The following SPTBN4 variants were observed in gnomAD, a reference collection of about 807,000 sequenced individuals.
The protein encoded by SPTBN4 is spectrin beta chain, non-erythrocytic 4.
Under a neutral mutation model 277.8 loss-of-function variants are expected in SPTBN4, and 96 were observed. The observed-to-expected ratio is 0.35, with a 90% CI of 0.29 to 0.41. The LOEUF (loss-of-function observed/expected upper bound fraction) is 0.41, where lower values mean the gene tolerates loss of function less well. Among genes scored for constraint, SPTBN4 ranks in the 10% least tolerant of loss-of-function variants. The probability of loss-of-function intolerance (pLI) is 1.00; values close to 1 mark genes in which losing one functional copy is unlikely to be tolerated. For synonymous variants in SPTBN4, 1,481 were observed against 1,580.3 expected, an observed-to-expected ratio of 0.94 and a Z score of 1.49; for missense variants, 3,006 against 3,595.7, an observed-to-expected ratio of 0.84 and a Z score of 4.19.
intron 17 of SPTBN4, among the ~76,000 whole-genome samples, chr19:40,527,603 G>A (rs1315008762): frequency 6.6e-6 from 1 of 152,234 alleles, no homozygotes; most frequent in African/African-American, 2.4e-5. Flanking sequence ...GATGTTGGGG[G>A]AAGGAGCATT....
intron 16 of SPTBN4, among the ~76,000 whole-genome samples, chr19:40,522,094 A>G (rs993674463): frequency 6.6e-6 from 1 of 151,942 alleles, no homozygotes; most frequent in South Asian, 2.1e-4. Context: ...TGGCACGATC[A>G]TGACTCACTG....
chr19:40,563,630 C>T (rs1438106011), intron 27 of SPTBN4, among the ~76,000 whole-genome samples: 1 of 111,868 alleles, frequency 8.9e-6, no homozygotes, highest in Non-Finnish European at 1.8e-5. Context: ...TCAGGTGATC[C>T]GCCCGCCTCA....
At chr19:40,541,690 G>C (rs1185767813) in intron 20 of SPTBN4, among the ~76,000 whole-genome samples, 2 of 152,080 alleles carry the variant, frequency 1.3e-5, no homozygotes, top group East Asian at 1.9e-4. Context: ...CCATCTCTGT[G>C]TCTCTCTCTT....
chr19:40,570,067 C>A (rs560654250), intron 32 of SPTBN4, among the ~76,000 whole-genome samples: 2 of 151,528 alleles, frequency 1.3e-5, no homozygotes, highest in African/African-American at 4.8e-5. Flanking sequence ...CTGTCCTGGA[C>A]TCCGTATTTC....
Position 40,554,117 on chromosome 19 carries a change from C to A in SPTBN4, c.4675-30C>A. ...GCAGGGCCTCGGAACGCCCCCTCTC[C>A]ACCCACATCCCCTTACCTCCTGCCC... On this transcript the variant is annotated intron_variant, in intron 22 of 35. Transcript: ENST00000598249. This position sits in a 1 kb window ranked among gnomAD's most constrained non-coding sequence, Gnocchi z 5.7. The A allele has an allele frequency of 7.1e-7, 1 of 1,415,056 alleles. No individual in the cohort carries two copies. Among genetic ancestry groups the A allele is most frequent in the African/African-American group, 1.5e-5 (1 of 66,180 alleles). The allele number at this position is 1,415,056 out of a possible 1,614,324, so 87.7% of individuals were successfully genotyped here.
chr19:40,523,827 G>C (rs1268171803), intron 17 of SPTBN4, among the ~76,000 whole-genome samples, 188 bp downstream of exon 17: 1 of 151,248 alleles, frequency 6.6e-6, no homozygotes, highest in Non-Finnish European at 1.5e-5. Flanking sequence ...TTTTTGAGAC[G>C]GGGTCTCACT....
intron 20 of SPTBN4, among the ~76,000 whole-genome samples, chr19:40,545,736 C>G: frequency 6.6e-6 from 1 of 151,952 alleles, no homozygotes; most frequent in East Asian, 1.9e-4. Flanking sequence ...GGTGAAACCC[C>G]ATCTCTATTA....
chr19:40,564,098 T>TA (rs1044852233), intron 27 of SPTBN4, among the ~76,000 whole-genome samples: 4 of 151,150 alleles, frequency 2.6e-5, no homozygotes, highest in African/African-American at 4.9e-5. Context: ...CTCACGCCTG[T>TA]AATCCCTGCA....
intron 18 of SPTBN4, chr19:40,530,519 C>T (rs1438676189): frequency 4.1e-6 from 4 of 980,174 alleles, no homozygotes; most frequent in Non-Finnish European, 4.8e-6. Flanking sequence ...GCTGCCGCTG[C>T]CGTCGCAGTT....
chr19:40,565,371 C>T, intron 27 of SPTBN4, 52 bp from the exon 28 acceptor site: 1 of 1,575,498 alleles, frequency 6.3e-7, no homozygotes, highest in Non-Finnish European at 8.6e-7. Context: ...ATGTATGGGG[C>T]AGGCTGAGGA....
chr19:40,521,284 C>T (rs916788847), intron 16 of SPTBN4, among the ~76,000 whole-genome samples: 1 of 152,056 alleles, frequency 6.6e-6, no homozygotes, highest in Admixed American at 6.6e-5. Flanking sequence ...TTCCACAAAC[C>T]GGTGGGAAAA....
chr19:40,547,673 A>G (rs981186273), intron 20 of SPTBN4, among the ~76,000 whole-genome samples: 3 of 152,132 alleles, frequency 2.0e-5, no homozygotes, highest in African/African-American at 7.2e-5. Flanking sequence ...CTGTTTCTCC[A>G]CATCCTCTCC....
At chr19:40,544,308 A>T (rs1239065341) in intron 20 of SPTBN4, among the ~76,000 whole-genome samples, 3 of 150,740 alleles carry the variant, frequency 2.0e-5, no homozygotes, top group Admixed American at 6.6e-5. Flanking sequence ...ATGCCCGGCT[A>T]ATTTTTTGTA....
In SPTBN4 at chr19:40,567,862, T is replaced by G; in HGVS notation, c.6536T>G (p.Val2179Gly). 6.6e-7 allele frequency: 1 copy of G among 1,526,172 alleles called. No homozygotes were observed. The highest frequency in any genetic ancestry group is 2.6e-5 in the East Asian group (1 of 37,876). 94.5% of individuals were successfully genotyped at this position (1,526,172 alleles called of 1,614,324 possible). Reference sequence around the variant, plus strand: ...GAGGTGCGGACTCGGGTGGGGTATGTGCGCCAGGAGCTCAAGCCCGAGCGC... The same window carrying G: ...GAGGTGCGGACTCGGGTGGGGTATGGGCGCCAGGAGCTCAAGCCCGAGCGC... ...SAEVRTRVGY[V>G]RQELKPERLQ... is the part of the protein sequence containing the mutation. The change falls in exon 31 of 36, where the codon GTG becomes GGG. Residue 2179 changes from valine (V) to glycine (G), a missense_variant. Coordinates refer to ENST00000598249, the MANE Select transcript of SPTBN4 (RefSeq NM_020971.3).
At position 40,554,487 on chromosome 19, in the gene SPTBN4, G is replaced by A. The variant is rs971263712; in HGVS notation, c.4954-29G>A. ...GCTGGAGCCGGGGGCCGCCGCTGCCGCCTCATCGTGGGCGCTTTGTGCCCC... is the reference window on the plus strand; with the variant it reads ...GCTGGAGCCGGGGGCCGCCGCTGCCACCTCATCGTGGGCGCTTTGTGCCCC... On this transcript the variant is annotated intron_variant, in intron 23 of 35. Coordinates refer to ENST00000598249, the MANE Select transcript of SPTBN4 (RefSeq NM_020971.3). This position sits in a 1 kb window ranked among gnomAD's most constrained non-coding sequence, Gnocchi z 5.7. 2 of 1,483,418 alleles carry A rather than the reference G, an allele frequency of 1.3e-6. No individual in the cohort carries two copies. Among genetic ancestry groups the A allele is most frequent in the Admixed American group, 2.4e-5 (1 of 41,434 alleles). The allele number at this position is 1,483,418 out of a possible 1,614,324, so 91.9% of individuals were successfully genotyped here.
intron 2 of SPTBN4, among the ~76,000 whole-genome samples, chr19:40,481,560 C>T (rs1371747349): frequency 1.3e-5 from 2 of 152,108 alleles, no homozygotes; most frequent in Non-Finnish European, 2.9e-5. Flanking sequence ...ACTGCAACCC[C>T]CGCCTCCTGA....
rs943501822 is a variant in SPTBN4 at position 40,529,265 on chromosome 19, G to C, written c.3948+134G>C. ...CGATGCTCGCTCTAAGCCGCCAGGG[G>C]GCGCGCGGAGCCGGGTCTCAGTGCG... On this transcript the variant is annotated intron_variant, in intron 18 of 35. Coordinates refer to ENST00000598249, the MANE Select transcript of SPTBN4 (RefSeq NM_020971.3). 6.3e-6 allele frequency: 5 copies of C among 789,482 alleles called. No homozygotes were observed. The African/African-American group carries it at 7.0e-5, about 11-fold the overall frequency. The allele number at this position is 789,482 out of a possible 1,614,324, so 48.9% of individuals were successfully genotyped here.
At chr19:40,523,750 C>G in intron 17 of SPTBN4, 111 bp downstream of exon 17, 1 of 965,010 alleles carries the variant, frequency 1.0e-6, no homozygotes, top group Admixed American at 2.7e-5. Context: ...ATTTCTGCTT[C>G]TCTGGGGCTC....
chr19:40,570,207 C>T (rs968708990), intron 32 of SPTBN4, among the ~76,000 whole-genome samples: 2 of 138,504 alleles, frequency 1.4e-5, no homozygotes, highest in Non-Finnish European at 3.2e-5. Flanking sequence ...ATCTGGCTGC[C>T]TCTTTCCACC....
Sources: allele counts gnomAD v4.1 joint callset (sites outside exome capture counted in the v4.1 genomes callset), GRCh38; gene constraint gnomAD v4.1.1; non-coding constraint Gnocchi (gnomAD v3.1); transcripts MANE v1.5; gene names NCBI Gene and HGNC (gene_info 2026-07-23, HGNC 2026-07-21).